Variants in FBXL13 observed in about 807,000 individuals in gnomAD.
The protein encoded by FBXL13 is F-box and leucine rich repeat protein 13.
A neutral mutation model predicts 83.6 loss-of-function variants in FBXL13; 67 were observed. The ratio of observed to expected loss-of-function variants is 0.80; its 90% confidence interval spans 0.66 to 0.98. The LOEUF (loss-of-function observed/expected upper bound fraction) is 0.98, where lower values mean the gene tolerates loss of function less well. FBXL13 is among the 50% of genes least tolerant of loss of function. The pLI is 0.00. For synonymous variants in FBXL13, 272 were observed against 299.5 expected, an observed-to-expected ratio of 0.91 and a Z score of 0.95; for missense variants, 822 against 866.5, an observed-to-expected ratio of 0.95 and a Z score of 0.64.
At chr7:102,831,958 T>C (rs905498974) in intron 18 of FBXL13, among the ~76,000 whole-genome samples, 3 of 152,224 alleles carry the variant, frequency 2.0e-5, no homozygotes, top group African/African-American at 7.2e-5. Flanking sequence ...GTCCATAGTA[T>C]ATTAAAAAGT....
At chr7:102,944,542 T>TG in intron 8 of FBXL13, 1 of 1,612,488 alleles carries the variant, frequency 6.2e-7, no homozygotes, top group Non-Finnish European at 8.5e-7. Context: ...AGATGATGAA[T>TG]GGGAAAAAAA....
chr7:102,990,490 A>G (rs1829449309), intron 6 of FBXL13, among the ~76,000 whole-genome samples: 1 of 152,236 alleles, frequency 6.6e-6, no homozygotes, highest in African/African-American at 2.4e-5. Context: ...CATTCAACCA[A>G]TATTTATTGG....
chr7:103,043,741 T>C (rs1481565917), intron 2 of FBXL13, among the ~76,000 whole-genome samples: 1 of 152,160 alleles, frequency 6.6e-6, no homozygotes, highest in African/African-American at 2.4e-5. Flanking sequence ...CTTGAACTCC[T>C]GACCTCAGGT....
At chr7:103,069,002 A>G (rs949814587) in intron 1 of FBXL13, among the ~76,000 whole-genome samples, 3 of 150,866 alleles carry the variant, frequency 2.0e-5, no homozygotes, top group East Asian at 1.9e-4. Flanking sequence ...CCGCCCCACC[A>G]TCTGGGAAGT....
chr7:103,010,198 C>A (rs975228436), intron 6 of FBXL13, among the ~76,000 whole-genome samples: 2 of 152,092 alleles, frequency 1.3e-5, no homozygotes, highest in African/African-American at 4.8e-5. Context: ...ACCCCACCCA[C>A]CCCCGCCACT....
chr7:102,863,288 G>A (rs1320596892), intron 16 of FBXL13, among the ~76,000 whole-genome samples: 2 of 152,058 alleles, frequency 1.3e-5, no homozygotes, highest in African/African-American at 4.8e-5. Context: ...ATAACCTAGG[G>A]TATTTGATAT....
At chr7:102,965,978 T>G (rs1240291598) in intron 7 of FBXL13, among the ~76,000 whole-genome samples, 1 of 152,142 alleles carries the variant, frequency 6.6e-6, no homozygotes, top group African/African-American at 2.4e-5. Context: ...TTGTAGAAGC[T>G]CTAAAACTTA....
At chr7:103,069,575 C>T (rs1000202205) in intron 1 of FBXL13, among the ~76,000 whole-genome samples, 1 of 152,128 alleles carries the variant, frequency 6.6e-6, no homozygotes, top group Non-Finnish European at 1.5e-5. Context: ...CCCAGAAGAG[C>T]TATGCCTGAG....
chr7:102,981,705 T>C (rs1585231584), intron 6 of FBXL13, among the ~76,000 whole-genome samples: 1 of 152,196 alleles, frequency 6.6e-6, no homozygotes, highest in Non-Finnish European at 1.5e-5. Flanking sequence ...TGTCCACACA[T>C]GGCAGTAGGA....
At chr7:103,035,879 A>G (rs1473422588) in intron 2 of FBXL13, among the ~76,000 whole-genome samples, 5 of 152,200 alleles carry the variant, frequency 3.3e-5, no homozygotes, top group African/African-American at 1.2e-4. Context: ...TTACTTCATT[A>G]ATGAGCTTCA....
chr7:102,956,282 C>A (rs936704809), intron 8 of FBXL13, among the ~76,000 whole-genome samples: 6 of 152,224 alleles, frequency 3.9e-5, no homozygotes, highest in Admixed American at 1.3e-4. Flanking sequence ...ACAACAAAAA[C>A]CACACAATTA....
At chr7:102,963,708 C>G (rs1465423082) in intron 7 of FBXL13, 43 bp from the exon 9 acceptor site, 1 of 1,554,374 alleles carries the variant, frequency 6.4e-7, no homozygotes, top group Non-Finnish European at 8.7e-7. Context: ...GAGAAAGTCC[C>G]CAAAAACAAT....
In FBXL13 at chr7:102,974,288, G is replaced by C. The variant is rs935142086; in HGVS notation, c.496-6171C>G. On this transcript the variant is annotated intron_variant, in intron 6 of 19. Transcript: ENST00000313221. ...ACCTGTAGTCCCAGCTACTCAGGAG[G>C]CTGAAGCAGGAGAATGGTGTGAACC... Among the ~76,000 whole-genome samples, 8 of 152,126 alleles carry C rather than the reference G, an allele frequency of 5.3e-5. 1 individual carries two copies. Among genetic ancestry groups the C allele is most frequent in the African/African-American group, 1.9e-4 (8 of 41,420 alleles).
At chr7:102,978,656 C>T (rs573756159) in intron 6 of FBXL13, 2 of 235,482 alleles carry the variant, frequency 8.5e-6, no homozygotes, top group Non-Finnish European at 8.6e-6. Context: ...ATTAAAACAG[C>T]GTGTTGCTCC....
intron 6 of FBXL13, among the ~76,000 whole-genome samples, chr7:103,017,676 T>C (rs1003462739): frequency 6.6e-6 from 1 of 152,154 alleles, no homozygotes; most frequent in Non-Finnish European, 1.5e-5. Flanking sequence ...ATGTGACACA[T>C]GCATAAGCTT....
In FBXL13 at chr7:102,913,232, G is replaced by C. The variant is rs779865252; in HGVS notation, c.879-17C>G. 8 of 1,613,856 alleles carry C rather than the reference G, an allele frequency of 5.0e-6. No homozygotes were observed. In the African/African-American group the frequency reaches 1.1e-4, roughly 22 times the overall value. On this transcript the variant is annotated splice_polypyrimidine_tract_variant and intron_variant, in intron 10 of 19. Transcript: ENST00000313221. ...TGGAAGTGCCTGAAAAGACAAAAGA[G>C]AGGAAGGAAAGTATTATACTTCCGT...
chr7:103,014,299 G>A (rs748978470), intron 6 of FBXL13, among the ~76,000 whole-genome samples: 17 of 152,090 alleles, frequency 1.1e-4, no homozygotes, highest in Non-Finnish European at 2.2e-4. Context: ...AGGCTGCAGT[G>A]AGCCATGATC....
chr7:103,050,322 T>A (rs1012534851), intron 2 of FBXL13, among the ~76,000 whole-genome samples: 5 of 152,244 alleles, frequency 3.3e-5, no homozygotes, highest in African/African-American at 1.2e-4. Context: ...GCTTCTGGGC[T>A]TTCTTTCCCT....
At chr7:103,065,165 C>T (rs1798275080) in intron 1 of FBXL13, among the ~76,000 whole-genome samples, 2 of 151,900 alleles carry the variant, frequency 1.3e-5, no homozygotes, top group African/African-American at 2.4e-5. Flanking sequence ...TAGCAACATA[C>T]ATTCTGAAAA....
Sources: allele counts gnomAD v4.1 joint callset (sites outside exome capture counted in the v4.1 genomes callset), GRCh38; gene constraint gnomAD v4.1.1; transcripts MANE v1.5; gene names NCBI Gene and HGNC (gene_info 2026-07-23, HGNC 2026-07-21).